Variants in CNTN6 observed in about 807,000 individuals in gnomAD.
CNTN6 encodes contactin-6.
CNTN6 carries 137 observed loss-of-function variants against 122.8 expected under a neutral mutation model. The ratio of observed to expected loss-of-function variants is 1.12; its 90% CI spans 0.97 to 1.29. The LOEUF is 1.29. CNTN6 is among the 50% of genes most tolerant of loss of function. The pLI is 0.00. For missense variants in CNTN6, 1,634 were observed against 1,223.4 expected (o/e 1.34, Z -5.01); for synonymous variants, 570 against 426.0 (o/e 1.34, Z -4.16).
intron 4 of CNTN6, among the ~76,000 whole-genome samples, chr3:1,250,414 G>T (rs116626756): frequency 2.0e-5 from 3 of 152,250 alleles, no homozygotes; most frequent in African/African-American, 7.2e-5. Context: ...TGATGCACTG[G>T]ATAAAATTGT....
At chr3:1,386,886 A>AAGTT (rs1576015381) in intron 20 of CNTN6, among the ~76,000 whole-genome samples, 1 of 151,990 alleles carries the variant, frequency 6.6e-6, no homozygotes, top group African/African-American at 2.4e-5. Context: ...AGTTATATTA[A>AAGTT]AGTTATTCCC....
intron 2 of CNTN6, among the ~76,000 whole-genome samples, chr3:1,188,897 G>A (rs1476215317): frequency 6.6e-6 from 1 of 152,034 alleles, no homozygotes; most frequent in Non-Finnish European, 1.5e-5. Context: ...GCTTTTTTCT[G>A]TACACATGTG....
rs916930934 is a variant in CNTN6, at chr3:1,254,894, C to T, written c.359-23519C>T. ...AGCAGTAAACATTTATTTTTGGTCACGAATTTTTGGTTTACTCGGTGGTTC... is the reference window on the plus strand; with the variant it reads ...AGCAGTAAACATTTATTTTTGGTCATGAATTTTTGGTTTACTCGGTGGTTC... On this transcript the variant is annotated intron_variant, in intron 4 of 22. Transcript: ENST00000446702. 8.6e-5 allele frequency among the ~76,000 whole-genome samples: 13 copies of T among 151,974 alleles called. 1 individual carries two copies. The highest frequency in any genetic ancestry group is 6.8e-3 in the Middle Eastern group (2 of 294).
At chr3:1,283,489 C>A (rs1453862145) in intron 5 of CNTN6, among the ~76,000 whole-genome samples, 1 of 152,084 alleles carries the variant, frequency 6.6e-6, no homozygotes, top group African/African-American at 2.4e-5. Flanking sequence ...ATATAACGCC[C>A]TTGAAACCAA....
At chr3:1,380,794 G>A (rs1027838933) in intron 17 of CNTN6, among the ~76,000 whole-genome samples, 20 of 152,242 alleles carry the variant, frequency 1.3e-4, no homozygotes, top group African/African-American at 4.8e-4. Flanking sequence ...ACATAGTTTT[G>A]CTGATTCTTA....
chr3:1,393,970 C>G (rs1694635916), intron 20 of CNTN6, among the ~76,000 whole-genome samples: 1 of 151,950 alleles, frequency 6.6e-6, no homozygotes, highest in African/African-American at 2.4e-5. Flanking sequence ...CAAGGGCAGT[C>G]TTTGAAGCAC....
At chr3:1,367,544 T>C (rs1559935505) in intron 12 of CNTN6, among the ~76,000 whole-genome samples, 1 of 151,718 alleles carries the variant, frequency 6.6e-6, no homozygotes, top group Non-Finnish European at 1.5e-5. Flanking sequence ...TAAACACAAA[T>C]TGAGAGGTAA....
At chr3:1,143,982 G>A (rs1377882767) in intron 1 of CNTN6, among the ~76,000 whole-genome samples, 1 of 152,178 alleles carries the variant, frequency 6.6e-6, no homozygotes, top group African/African-American at 2.4e-5. Context: ...AGCTGGTTAA[G>A]AGAAAGAGAC....
At chr3:1,288,890 A>G (rs1310146415) in intron 5 of CNTN6, among the ~76,000 whole-genome samples, 5 of 152,196 alleles carry the variant, frequency 3.3e-5, no homozygotes, top group African/African-American at 9.7e-5. Context: ...AGAGTCTTCA[A>G]TTGCTTACTG....
At chr3:1,248,792 C>T (rs2094617408) in intron 4 of CNTN6, among the ~76,000 whole-genome samples, 1 of 151,888 alleles carries the variant, frequency 6.6e-6, no homozygotes, top group Non-Finnish European at 1.5e-5. Context: ...TGCACTCCAG[C>T]CTGGGCGACA....
chr3:1,251,534 A>G (rs533088291), intron 4 of CNTN6, among the ~76,000 whole-genome samples: 1 of 152,112 alleles, frequency 6.6e-6, no homozygotes, highest in Non-Finnish European at 1.5e-5. Flanking sequence ...TATTTCATTC[A>G]TCTGGTGAAA....
intron 4 of CNTN6, among the ~76,000 whole-genome samples, chr3:1,274,862 A>G (rs1474938239): frequency 6.6e-6 from 1 of 152,128 alleles, no homozygotes; most frequent in Non-Finnish European, 1.5e-5. Context: ...TTCAGTCAAG[A>G]CACTTTAAAT....
intron 2 of CNTN6, among the ~76,000 whole-genome samples, chr3:1,187,417 T>C (rs1438168726): frequency 1.3e-5 from 2 of 152,210 alleles, no homozygotes; most frequent in East Asian, 1.9e-4. Context: ...TTTGATCTTT[T>C]GTAGAAAACA....
chr3:1,173,769 C>A (rs1347961087), intron 2 of CNTN6, among the ~76,000 whole-genome samples: 1 of 127,802 alleles, frequency 7.8e-6, no homozygotes, highest in Non-Finnish European at 1.7e-5. Context: ...CTGTATTTTC[C>A]TTTTGGGGAA....
intron 5 of CNTN6, among the ~76,000 whole-genome samples, chr3:1,291,508 A>G: frequency 6.6e-6 from 1 of 152,322 alleles, no homozygotes; most frequent in African/African-American, 2.4e-5. Flanking sequence ...CAGAGAGCTA[A>G]AGCGTATTTC....
At chr3:1,319,191 G>C (rs546289962) in intron 7 of CNTN6, among the ~76,000 whole-genome samples, 3 of 151,622 alleles carry the variant, frequency 2.0e-5, no homozygotes, top group Admixed American at 6.6e-5. Flanking sequence ...TTGTGCAAAA[G>C]TAATCCTACT....
chr3:1,109,545 T>C (rs2091381060), intron 1 of CNTN6, among the ~76,000 whole-genome samples: 1 of 152,066 alleles, frequency 6.6e-6, no homozygotes, highest in African/African-American at 2.4e-5. Context: ...CAGTAGCTCC[T>C]CTATTACTTT....
intron 2 of CNTN6, among the ~76,000 whole-genome samples, chr3:1,203,493 T>G (rs2093914136): frequency 6.6e-6 from 1 of 152,340 alleles, no homozygotes; most frequent in East Asian, 1.9e-4. Context: ...GAATGCGGGA[T>G]AGAATTCAAC....
intron 5 of CNTN6, among the ~76,000 whole-genome samples, chr3:1,294,371 G>A (rs1223622904): frequency 6.6e-6 from 1 of 152,128 alleles, no homozygotes; most frequent in Non-Finnish European, 1.5e-5. Flanking sequence ...TTTGTTTTAT[G>A]ATGACATACA....
Sources: allele counts gnomAD v4.1 joint callset (sites outside exome capture counted in the v4.1 genomes callset), GRCh38; gene constraint gnomAD v4.1.1; transcripts MANE v1.5; gene names NCBI Gene and HGNC (gene_info 2026-07-23, HGNC 2026-07-21).